Variants in KIFAP3 observed in about 807,000 individuals in gnomAD.
KIFAP3 encodes the protein kinesin associated protein 3.
In KIFAP3, 68 loss-of-function variants were observed where a neutral mutation model predicts 106.5. That is an observed-to-expected ratio of 0.64 (90% CI 0.53 to 0.78). KIFAP3 has a LOEUF of 0.78. KIFAP3 is among the 30% of genes least tolerant of loss of function. KIFAP3 has a pLI of 0.00. For missense variants in KIFAP3, 780 were observed against 941.8 expected (o/e 0.83, Z 2.25); for synonymous variants, 320 against 311.5 (o/e 1.03, Z -0.29).
chr1:170,062,840 T>G (rs1348162250), intron 1 of KIFAP3, among the ~76,000 whole-genome samples: 1 of 152,174 alleles, frequency 6.6e-6, no homozygotes, highest in Non-Finnish European at 1.5e-5. Flanking sequence ...CACTGATACA[T>G]TGTGACCCTA....
At chr1:170,029,076 CAAG>C (rs1042591011) in intron 8 of KIFAP3, among the ~76,000 whole-genome samples, 19 of 151,902 alleles carry the variant, frequency 1.3e-4, no homozygotes, top group Non-Finnish European at 2.4e-4. Context: ...ACACTAGTCA[CAAG>C]AAGAAGTAGA....
Position 170,055,410 on chromosome 1 carries a change from A to G in KIFAP3, c.59T>C (p.Val20Ala), listed in dbSNP as rs1235577909. 6.2e-7 allele frequency: 1 copy of G among 1,604,044 alleles called. No individual in the cohort carries two copies. Among genetic ancestry groups the G allele is most frequent in the Non-Finnish European group, 8.5e-7 (1 of 1,173,926 alleles). The stretch of plus-strand genomic sequence containing the variant: ...AATGAGTGCTTTTTCTGATGGATGT[A>G]CATCTATATTCCCTCCTTTAACTTT... Reference protein sequence around the residue: ...KRKVKGGNIDVHPSEKALIVH... With the variant: ...KRKVKGGNIDAHPSEKALIVH... Residue 20 changes from valine to alanine, a missense_variant, in exon 2 of 20, where the codon GTA (valine) becomes GCA (alanine). By Grantham distance (64) the Val-to-Ala change is moderately conservative (BLOSUM62 0). Coordinates refer to ENST00000361580, the MANE Select transcript of KIFAP3 (RefSeq NM_014970.4).
chr1:170,076,742 A>G (rs1671926659), upstream of KIFAP3, among the ~76,000 whole-genome samples: 2 of 152,220 alleles, frequency 1.3e-5, no homozygotes, highest in South Asian at 2.1e-4. Flanking sequence ...GATAGTTACT[A>G]TTTTGCAAGC....
At position 169,978,221 on chromosome 1, in the gene KIFAP3, G is replaced by C. The variant is rs1168777119; in HGVS notation, c.1799-38C>G. The C allele has an allele frequency of 3.9e-6, 5 of 1,275,850 alleles. 1 individual carries two copies. The highest frequency in any genetic ancestry group is 1.5e-5 in the African/African-American group (1 of 67,422). 79.0% of individuals were successfully genotyped at this position (1,275,850 alleles called of 1,614,324 possible). ...AAAAAATTCAAATAAAGAATACTAT[G>C]TTTATATACCAAATTTAAAATAATT... On this transcript the variant is annotated intron_variant, in intron 15 of 19. Transcript: ENST00000361580.
Position 169,921,610 on chromosome 1 carries a change from C to T in KIFAP3, c.*66G>A. The T allele has an allele frequency of 8.0e-7, 1 of 1,244,356 alleles. No homozygotes were observed. Among genetic ancestry groups the T allele is most frequent in the East Asian group, 2.4e-5 (1 of 41,854 alleles). 77.1% of individuals were successfully genotyped at this position (1,244,356 alleles called of 1,614,324 possible). A position where few individuals can be genotyped will look rare whatever the true frequency, so the allele number is the denominator to read the frequency against. On this transcript the variant is annotated 3_prime_UTR_variant, in exon 20 of 20. Transcript: ENST00000361580. ...TCAACATGCATTATTAGGCAAAGAT[C>T]CAAAATTAACCCAACCCACACAGAT... is the stretch of plus-strand genomic sequence containing the variant.
intron 19 of KIFAP3, among the ~76,000 whole-genome samples, chr1:169,925,121 T>G (rs1251817302): frequency 6.6e-6 from 1 of 152,184 alleles, no homozygotes; most frequent in Non-Finnish European, 1.5e-5. Context: ...TTGCTACTCC[T>G]AACCCACATA....
At chr1:169,924,814 T>G (rs1424428313) in intron 19 of KIFAP3, among the ~76,000 whole-genome samples, 1 of 152,204 alleles carries the variant, frequency 6.6e-6, no homozygotes, top group African/African-American at 2.4e-5. Flanking sequence ...AGATTCTTCA[T>G]GTAAGTTCTT....
intron 11 of KIFAP3, among the ~76,000 whole-genome samples, chr1:169,991,249 A>G (rs1206035052): frequency 2.0e-5 from 3 of 152,040 alleles, no homozygotes; most frequent in African/African-American, 7.2e-5. Context: ...CAGGAGGCTG[A>G]GGCAGGAGGA....
At chr1:170,050,308 GAACA>G (rs2102102003) in intron 2 of KIFAP3, among the ~76,000 whole-genome samples, 1 of 152,156 alleles carries the variant, frequency 6.6e-6, no homozygotes, top group South Asian at 2.1e-4. Context: ...GAATGAAAAG[GAACA>G]AACAAAGCCT....
intron 17 of KIFAP3, among the ~76,000 whole-genome samples, chr1:169,963,771 G>A (rs797015861): frequency 5.9e-5 from 9 of 152,230 alleles, no homozygotes; most frequent in African/African-American, 2.2e-4. Context: ...TGGGATTACA[G>A]GCGTGAGCCA....
At chr1:169,964,752 G>A (rs563743934) in intron 17 of KIFAP3, among the ~76,000 whole-genome samples, 2 of 152,086 alleles carry the variant, frequency 1.3e-5, no homozygotes, top group African/African-American at 2.4e-5. Context: ...AATACCAAGC[G>A]ATACCTCATT....
At chr1:169,977,762 G>A (rs1666303186) in intron 16 of KIFAP3, among the ~76,000 whole-genome samples, 1 of 152,010 alleles carries the variant, frequency 6.6e-6, no homozygotes, top group Admixed American at 6.6e-5. Flanking sequence ...GGTAAATAAG[G>A]TAAGATTAGA....
intron 10 of KIFAP3, among the ~76,000 whole-genome samples, chr1:170,009,008 T>C (rs531170656): frequency 1.3e-5 from 2 of 152,190 alleles, no homozygotes; most frequent in South Asian, 4.2e-4. Context: ...CTCAGCAAAC[T>C]AACACAGGAA....
Position 169,954,108 on chromosome 1 carries a change from C to T in KIFAP3, c.2176G>A (p.Gly726Arg), listed in dbSNP as rs919259884. The change falls in exon 19 of 20, where the codon GGA becomes AGA. Residue 726 changes from glycine (G) to arginine (R), a missense_variant and splice_region_variant. Transcript: ENST00000361580. ...ATGGCTCCTTCAGAGGCAATTAATC[C>T]ATCTAGAAAGAAAAAAAAATGGTAA... ...ERPDLFYNSD[G>R]LIASEGAISP... The T allele has an allele frequency of 1.9e-6, 3 of 1,596,104 alleles. No individual in the cohort carries two copies. Among genetic ancestry groups the T allele is most frequent in the African/African-American group, 1.3e-5 (1 of 74,358 alleles).
rs566965298 is a variant in KIFAP3, at chr1:169,926,984, T to C, written c.2274-5203A>G. On this transcript the variant is annotated intron_variant, in intron 19 of 19. Coordinates refer to ENST00000361580, the MANE Select transcript of KIFAP3 (RefSeq NM_014970.4). ...ACTGTATGAAATTACTTCTTCATAA[T>C]TTTTTGGAATAGTTCATTCTTTTTA... is the stretch of plus-strand genomic sequence containing the variant. Among the ~76,000 whole-genome samples the C allele has an allele frequency of 2.2e-3, 340 of 152,314 alleles. 2 individuals are homozygous for C. The highest frequency in any genetic ancestry group is 1.7e-3 in the Non-Finnish European group (114 of 68,006).
At chr1:170,049,699 T>C (rs907757305) in intron 2 of KIFAP3, among the ~76,000 whole-genome samples, 1 of 151,406 alleles carries the variant, frequency 6.6e-6, no homozygotes, top group African/African-American at 2.4e-5. Flanking sequence ...GAGGACGGGG[T>C]CTGGAGTGGA....
chr1:170,058,535 T>A (rs138525491), intron 1 of KIFAP3, among the ~76,000 whole-genome samples: 1 of 152,158 alleles, frequency 6.6e-6, no homozygotes, highest in African/African-American at 2.4e-5. Context: ...TATGGCACAA[T>A]AGGCTGCTTA....
Position 170,023,542 on chromosome 1 carries a change from T to C in KIFAP3, c.1020+876A>G, listed in dbSNP as rs568756757. Among the ~76,000 whole-genome samples, 4 of 152,118 alleles carry C rather than the reference T, an allele frequency of 2.6e-5. No homozygotes were observed. In the South Asian group the frequency reaches 8.3e-4, roughly 31 times the overall value. On this transcript the variant is annotated intron_variant, in intron 9 of 19. Transcript: ENST00000361580. Reference sequence around the variant, plus strand: ...ACTGCTCCAAGAAAATAAGCAGAAATATAGACAAATATGTATGTACAAATA... The same window carrying C: ...ACTGCTCCAAGAAAATAAGCAGAAACATAGACAAATATGTATGTACAAATA...
At position 169,921,728 on chromosome 1, in the gene KIFAP3, G is replaced by A. The variant is rs1295668384; in HGVS notation, c.2327C>T (p.Thr776Ile). 3.1e-6 allele frequency: 5 copies of A among 1,613,896 alleles called. No individual in the cohort carries two copies. The highest frequency in any genetic ancestry group is 3.4e-6 in the Non-Finnish European group (4 of 1,179,862). Residue 776 changes from threonine to isoleucine, a missense_variant, in exon 20 of 20, where the codon ACA (threonine) becomes ATA (isoleucine). Around this residue, in one of 3 missense-constraint regions of KIFAP3, gnomAD observed 114 missense variants for 122.3 expected, o/e 0.93. Transcript: ENST00000361580. ...TTCATCAGGGCGGAATCCATATGCTGTGGCAGGGCGTCCAAGAATGCCAAC... is the reference window on the plus strand; with the variant it reads ...TTCATCAGGGCGGAATCCATATGCTATGGCAGGGCGTCCAAGAATGCCAAC... ...QPVGILGRPATAYGFRPDEPY... is the reference protein window; with the variant it reads ...QPVGILGRPAIAYGFRPDEPY...
Sources: gnomAD v4.1 joint callset for allele counts (sites outside exome capture counted in the v4.1 genomes callset) on GRCh38, gnomAD v4.1.1 for gene constraint, gnomAD v4.1.1 regional missense constraint, MANE v1.5 for transcripts, NCBI Gene and HGNC (gene_info 2026-07-23, HGNC 2026-07-21) for gene names.